Variants in UTRN observed in about 807,000 individuals in gnomAD.
UTRN encodes utrophin, also known as dystrophin-related protein 1.
A neutral mutation model predicts 463.9 loss-of-function variants in UTRN; 283 were observed. The observed-to-expected ratio is 0.61, with a 90% CI of 0.55 to 0.67. The LOEUF is 0.67. UTRN is among the 30% of genes least tolerant of loss of function. UTRN has a pLI of 0.00. For synonymous variants in UTRN, 1,442 were observed against 1,431.5 expected (o/e 1.01, Z -0.17); for missense variants, 3,922 against 4,084.3 (o/e 0.96, Z 1.08).
At chr6:144,373,198 C>CAAAAAA (rs1780156540) in intron 2 of UTRN, among the ~76,000 whole-genome samples, 1 of 152,146 alleles carries the variant, frequency 6.6e-6, no homozygotes, top group Non-Finnish European at 1.5e-5. Context: ...AACATATGTT[C>CAAAAAA]ACACAAAAAC....
intron 6 of UTRN, 114 bp from the exon 7 acceptor site, chr6:144,426,173 C>T (rs1328734460): frequency 7.7e-7 from 1 of 1,292,024 alleles, no homozygotes; most frequent in Non-Finnish European, 1.1e-6. Flanking sequence ...TGCCAGTTAC[C>T]TGATCCATAA....
At chr6:144,312,543 G>A (rs1775008994) in intron 2 of UTRN, among the ~76,000 whole-genome samples, 1 of 152,026 alleles carries the variant, frequency 6.6e-6, no homozygotes, top group Non-Finnish European at 1.5e-5. Flanking sequence ...AAATAAGCAT[G>A]TAAAAATAGT....
chr6:144,708,219 T>C (rs1785290000), intron 53 of UTRN: 1 of 609,466 alleles, frequency 1.6e-6, no homozygotes, highest in Non-Finnish European at 3.1e-6. Flanking sequence ...GAGAATCTTG[T>C]AAATTTGTAG....
chr6:144,336,615 C>T (rs546948967), intron 2 of UTRN, among the ~76,000 whole-genome samples: 7 of 152,208 alleles, frequency 4.6e-5, no homozygotes, highest in East Asian at 1.9e-4. Flanking sequence ...AAGTGTGCTT[C>T]GAGAAAACTC....
At chr6:144,313,653 C>G (rs113612596) in intron 2 of UTRN, among the ~76,000 whole-genome samples, 2,927 of 152,302 alleles carry the variant, frequency 0.019, 104 homozygotes, top group African/African-American at 0.066. Flanking sequence ...GTAGTGTGGT[C>G]CACCCTTGCT....
At chr6:144,560,481 G>A (rs181251966) in intron 50 of UTRN, among the ~76,000 whole-genome samples, 74 of 152,224 alleles carry the variant, frequency 4.9e-4, no homozygotes, top group Middle Eastern at 6.8e-3. Context: ...AATGGCTGCT[G>A]AGAGGCCTTT....
chr6:144,593,047 T>C (rs1407628076), intron 51 of UTRN, among the ~76,000 whole-genome samples: 1 of 152,118 alleles, frequency 6.6e-6, no homozygotes, highest in Non-Finnish European at 1.5e-5. Flanking sequence ...GTCAGAGAAG[T>C]GTTAGTACTA....
Position 144,840,747 on chromosome 6 carries a change from G to C in UTRN, c.10185G>C (p.Glu3395Asp), listed in dbSNP as rs1308917701. The C allele has an allele frequency of 6.2e-7, 1 of 1,613,776 alleles. No individual in the cohort carries two copies. Among genetic ancestry groups the C allele is most frequent in the African/African-American group, 1.3e-5 (1 of 74,904 alleles). Residue 3395 changes from glutamate (E) to aspartate (D), a missense_variant, in exon 73 of 75, where the codon GAG (glutamate) becomes GAC (aspartate). Physicochemically the swap from Glu to Asp is conservative, Grantham distance 45. Coordinates refer to ENST00000367545, the MANE Select transcript of UTRN (RefSeq NM_007124.3). ...CTTTATTTGCTGTCACAGCGGGAGA[G>C]GACCTGCTGGCCCCACCGCACGACA... ...SGPQFHQAAG[E>D]DLLAPPHDTS...
At chr6:144,434,350 G>C (rs1786321248) in intron 9 of UTRN, among the ~76,000 whole-genome samples, 1 of 151,468 alleles carries the variant, frequency 6.6e-6, no homozygotes, top group Admixed American at 6.6e-5. Context: ...GGGAGGGGGA[G>C]GGGGAGGGAG....
At chr6:144,658,807 G>T (rs1779581529) in intron 51 of UTRN, among the ~76,000 whole-genome samples, 1 of 152,174 alleles carries the variant, frequency 6.6e-6, no homozygotes, top group Non-Finnish European at 1.5e-5. Context: ...TTATAATTTG[G>T]ATTGGAGTTT....
intron 11 of UTRN, among the ~76,000 whole-genome samples, chr6:144,438,029 G>A (rs934175448): frequency 2.6e-5 from 4 of 152,242 alleles, no homozygotes; most frequent in Non-Finnish European, 5.9e-5. Context: ...CACTTGGGAG[G>A]CCAACGCGGA....
At chr6:144,542,369 C>T (rs567223579) in intron 45 of UTRN, among the ~76,000 whole-genome samples, 1 of 152,092 alleles carries the variant, frequency 6.6e-6, no homozygotes, top group East Asian at 1.9e-4. Flanking sequence ...GAAACCAGGA[C>T]TCAGGGAGAG....
intron 65 of UTRN, among the ~76,000 whole-genome samples, chr6:144,819,084 A>T (rs570054809): frequency 6.6e-6 from 1 of 152,292 alleles, no homozygotes; most frequent in African/African-American, 2.4e-5. Context: ...TATGTAGTTA[A>T]TATTCAGTTA....
At chr6:144,405,610 A>G (rs557282245) in intron 3 of UTRN, among the ~76,000 whole-genome samples, 1 of 152,242 alleles carries the variant, frequency 6.6e-6, no homozygotes, top group African/African-American at 2.4e-5. Flanking sequence ...ACTTCCCTAC[A>G]GTGTGGGTTC....
intron 51 of UTRN, among the ~76,000 whole-genome samples, chr6:144,635,138 G>GTTTTTTTTTTTT (rs149100143): frequency 9.7e-6 from 1 of 103,098 alleles, no homozygotes; most frequent in Non-Finnish European, 2.0e-5. Context: ...TTATTTGTGT[G>GTTTTTTTTTTTT]TTTTTTTTTT....
chr6:144,793,140 T>C (rs1776907739), intron 62 of UTRN, among the ~76,000 whole-genome samples: 1 of 152,134 alleles, frequency 6.6e-6, no homozygotes. Context: ...TAGATGTGAG[T>C]ATAAAAGTCT....
At chr6:144,776,620 G>T (rs1775348718) in intron 60 of UTRN, among the ~76,000 whole-genome samples, 1 of 152,124 alleles carries the variant, frequency 6.6e-6, no homozygotes, top group Non-Finnish European at 1.5e-5. Flanking sequence ...AATGGTCTTT[G>T]CCTGGCTCAC....
chr6:144,778,716 A>G (rs536022182), intron 60 of UTRN, among the ~76,000 whole-genome samples: 1 of 152,262 alleles, frequency 6.6e-6, no homozygotes, highest in South Asian at 2.1e-4. Context: ...AACAGTGTTC[A>G]TTGTTTTGCA....
intron 2 of UTRN, among the ~76,000 whole-genome samples, chr6:144,356,670 G>A (rs146214272): frequency 1.3e-3 from 200 of 152,198 alleles, no homozygotes; most frequent in Non-Finnish European, 2.3e-3. Context: ...AAAATTAGTT[G>A]GGTGTGGTGG....
Sources: allele counts gnomAD v4.1 joint callset (sites outside exome capture counted in the v4.1 genomes callset), GRCh38; gene constraint gnomAD v4.1.1; transcripts MANE v1.5; gene names NCBI Gene and HGNC (gene_info 2026-07-23, HGNC 2026-07-21).